Variants in MSI1 observed in about 807,000 individuals in gnomAD.
MSI1 encodes musashi RNA binding protein 1.
A neutral mutation model predicts 54.4 loss-of-function variants in MSI1; 15 were observed. The ratio of observed to expected loss-of-function variants is 0.28; its 90% CI spans 0.18 to 0.42. The LOEUF (loss-of-function observed/expected upper bound fraction) is 0.42, where lower values mean the gene tolerates loss of function less well. Ranked by LOEUF, MSI1 falls within the 20% of genes least tolerant of loss-of-function variation. The pLI is 1.00. For missense variants in MSI1, 304 were observed against 506.0 expected (o/e 0.60, Z 3.83); for synonymous variants, 200 against 196.5 (o/e 1.02, Z -0.15).
intron 9 of MSI1, among the ~76,000 whole-genome samples, chr12:120,354,889 C>A (rs949548216): frequency 1.3e-5 from 2 of 152,014 alleles, no homozygotes; most frequent in African/African-American, 4.8e-5. Flanking sequence ...CAAAAATATT[C>A]TATAAAGAGC....
chr12:120,356,851 C>A (rs752902077), intron 9 of MSI1, 51 bp downstream of exon 9: 2 of 1,535,072 alleles, frequency 1.3e-6, no homozygotes, highest in Non-Finnish European at 1.8e-6. Flanking sequence ...CCCTGCTAGT[C>A]CTGGGAGCAG....
chr12:120,356,856 G>A (rs1276496747), intron 9 of MSI1, 46 bp downstream of exon 9: 2 of 1,545,384 alleles, frequency 1.3e-6, no homozygotes, highest in East Asian at 2.2e-5. Context: ...CTAGTCCTGG[G>A]AGCAGTTCTG....
chr12:120,366,100 T>C (rs1346080087), intron 4 of MSI1, among the ~76,000 whole-genome samples: 1 of 152,214 alleles, frequency 6.6e-6, no homozygotes, highest in African/African-American at 2.4e-5. Context: ...CTGTGATCCA[T>C]GCAGGGCCTA....
intron 6 of MSI1, among the ~76,000 whole-genome samples, chr12:120,359,571 G>A (rs1164849658): frequency 6.6e-6 from 1 of 152,158 alleles, no homozygotes; most frequent in Non-Finnish European, 1.5e-5. Flanking sequence ...TGTAATTAAA[G>A]CAAGTAGAGT....
In MSI1 at chr12:120,362,702, C is replaced by A. The variant is rs750239921; in HGVS notation, c.402+341G>T. 1.4e-4 allele frequency among the ~76,000 whole-genome samples: 21 copies of A among 152,312 alleles called. No homozygotes were observed. The South Asian group carries it at 1.5e-3, about 11-fold the overall frequency. ...CAATAGCCTGTGGCCTGGACAGGTG[C>A]AAACTCCCAGGAGGCCACGGGCTGA... On this transcript the variant is annotated intron_variant, in intron 6 of 14. Coordinates refer to ENST00000257552, the MANE Select transcript of MSI1 (RefSeq NM_002442.4).
downstream of MSI1, among the ~76,000 whole-genome samples, chr12:120,340,885 TC>T: frequency 8.7e-6 from 1 of 115,194 alleles, no homozygotes; most frequent in Admixed American, 1.0e-4. Context: ...TTTCTCCTAT[TC>T]TTTTTTTTTT....
chr12:120,350,647 C>T (rs540180283), intron 11 of MSI1, among the ~76,000 whole-genome samples: 5 of 152,334 alleles, frequency 3.3e-5, no homozygotes, highest in East Asian at 1.9e-4. Flanking sequence ...GCCCACCCCA[C>T]GTGCTTGCAG....
At chr12:120,348,611 C>T (rs1170238622) in intron 11 of MSI1, among the ~76,000 whole-genome samples, 1 of 151,110 alleles carries the variant, frequency 6.6e-6, no homozygotes, top group Non-Finnish European at 1.5e-5. Flanking sequence ...AGGCTGGGTG[C>T]GGTGGCTCAT....
At position 120,363,144 on chromosome 12, in the gene MSI1, G is replaced by A. The variant is rs1356761475; in HGVS notation, c.310-9C>T. On this transcript the variant is annotated splice_polypyrimidine_tract_variant and intron_variant, in intron 5 of 14. Coordinates refer to ENST00000257552, the MANE Select transcript of MSI1 (RefSeq NM_002442.4). ...TTCGTTCGAGTCACCATCTGTTAGG[G>A]GAGGGAATGAGAAAGTGGGCATCTG... 6.2e-7 allele frequency: 1 copy of A among 1,613,336 alleles called. No homozygotes were observed. The highest frequency in any genetic ancestry group is 8.5e-7 in the Non-Finnish European group (1 of 1,179,502).
intron 14 of MSI1, 102 bp downstream of exon 14, chr12:120,345,468 G>T: frequency 4.0e-6 from 4 of 1,003,064 alleles, no homozygotes; most frequent in Non-Finnish European, 6.2e-6. Context: ...CCCTGGGACT[G>T]TGGTTCTTGA....
Position 120,346,235 on chromosome 12 carries a change from A to G in MSI1, c.947T>C (p.Met316Thr). ...GFLGTTSPGP[M>T]AELYGAANQD... Reference sequence around the variant, plus strand: ...GTTGGCCGCCCCGTAGAGCTCGGCCATGGGGCCGGGGCTGGTGGTCCCCAG... The same window carrying G: ...GTTGGCCGCCCCGTAGAGCTCGGCCGTGGGGCCGGGGCTGGTGGTCCCCAG... The change falls in exon 13 of 15, where the codon ATG becomes ACG. Residue 316 changes from methionine (M) to threonine (T), a missense_variant. This residue lies in a region of MSI1 where 147 missense variants were observed against 231.5 expected (regional missense o/e 0.64). Transcript: ENST00000257552. 6.3e-7 allele frequency: 1 copy of G among 1,596,420 alleles called. No individual in the cohort carries two copies.
At chr12:120,363,212 T>A in intron 5 of MSI1, 77 bp from the exon 6 acceptor site, 1 of 1,156,284 alleles carries the variant, frequency 8.6e-7, no homozygotes, top group Non-Finnish European at 1.3e-6. Context: ...CGAGCCCCCC[T>A]GCCAGGATGC....
intron 11 of MSI1, among the ~76,000 whole-genome samples, chr12:120,350,916 G>C (rs1371424673): frequency 6.6e-6 from 1 of 152,186 alleles, no homozygotes; most frequent in African/African-American, 2.4e-5. Context: ...CATGAGATCT[G>C]AGCATAGTGA....
Position 120,342,501 on chromosome 12 carries a change from C to G in MSI1, c.*626G>C, listed in dbSNP as rs1426596861. ...GGCCTGGCCTCCCCGCAGCCCTGCC[C>G]TCCTCTCCAGGGCTGGAGGGAGGCG... On this transcript the variant is annotated 3_prime_UTR_variant, in exon 15 of 15. Transcript: ENST00000257552. The G allele has an allele frequency of 1.3e-5, 2 of 152,512 alleles. No individual in the cohort carries two copies. The highest frequency in any genetic ancestry group is 2.9e-5 in the Non-Finnish European group (2 of 68,050). 9.4% of individuals were successfully genotyped at this position (152,512 alleles called of 1,614,324 possible).
At chr12:120,340,464 A>G (rs901077435), downstream of MSI1, among the ~76,000 whole-genome samples, 1 of 152,154 alleles carries the variant, frequency 6.6e-6, no homozygotes, top group African/African-American at 2.4e-5. Context: ...CCAATCCAGT[A>G]TATCAGTAAC....
intron 9 of MSI1, among the ~76,000 whole-genome samples, chr12:120,354,308 TTCTG>T (rs1874887282): frequency 6.6e-6 from 1 of 152,188 alleles, no homozygotes; most frequent in East Asian, 1.9e-4. Flanking sequence ...AGTGCTGATT[TTCTG>T]TCTTCTCAAA....
intron 6 of MSI1, among the ~76,000 whole-genome samples, chr12:120,359,681 C>G (rs1226919427): frequency 6.6e-6 from 1 of 152,162 alleles, no homozygotes; most frequent in African/African-American, 2.4e-5. Flanking sequence ...GGACCCCAGT[C>G]TACTCTTGTT....
In MSI1 at chr12:120,344,972, G is replaced by A. The variant is rs542473545; in HGVS notation, c.*21+598C>T. On this transcript the variant is annotated intron_variant, in intron 14 of 14. Transcript: ENST00000257552. Reference sequence around the variant, plus strand: ...CGAGTTTGCAGTGAGCCAAGATTGCGCCACTGCACTCCAGCCTGGGTGACA... The same window carrying A: ...CGAGTTTGCAGTGAGCCAAGATTGCACCACTGCACTCCAGCCTGGGTGACA... Among the ~76,000 whole-genome samples, 189 of 143,134 alleles carry A rather than the reference G, an allele frequency of 1.3e-3. 2 individuals carry two copies. The South Asian group carries it at 0.02, about 15-fold the overall frequency. 93.9% of individuals were successfully genotyped at this position (143,134 alleles called of 152,430 possible).
At chr12:120,344,514 G>A (rs887548722) in intron 14 of MSI1, among the ~76,000 whole-genome samples, 14 of 151,138 alleles carry the variant, frequency 9.3e-5, no homozygotes, top group East Asian at 2.0e-4. Flanking sequence ...GACCAACCTG[G>A]GCCACATAAT....
Sources: allele counts gnomAD v4.1 joint callset (sites outside exome capture counted in the v4.1 genomes callset), GRCh38; gene constraint gnomAD v4.1.1; regional missense constraint gnomAD v4.1.1; transcripts MANE v1.5; gene names NCBI Gene and HGNC (gene_info 2026-07-23, HGNC 2026-07-21).